MTX2: variants seen among roughly 807,000 people sequenced by gnomAD.
MTX2 encodes the protein metaxin-2.
Under a neutral mutation model 42.3 loss-of-function variants are expected in MTX2, and 35 were observed. The ratio of observed to expected loss-of-function variants is 0.83; its 90% CI spans 0.63 to 1.10. The LOEUF is 1.10. Ranked by LOEUF, MTX2 falls within the 50% of genes least tolerant of loss-of-function variation. MTX2 has a pLI of 0.00. For synonymous variants in MTX2, 119 were observed against 100.9 expected (o/e 1.18, Z -1.08); for missense variants, 307 against 304.1 (o/e 1.01, Z -0.07).
In MTX2 at chr2:176,279,653, A is replaced by C. The variant is rs184402479; in HGVS notation, c.40+9984A>C. Among the ~76,000 whole-genome samples, 4 of 152,250 alleles carry C rather than the reference A, an allele frequency of 2.6e-5. No individual in the cohort carries two copies. In the East Asian group the frequency reaches 7.7e-4, roughly 29 times the overall value. On this transcript the variant is annotated intron_variant, in intron 1 of 9. Transcript: ENST00000249442. ...TTACTGTTCATCGATTTAAGATTCT[A>C]AGTTGGCTAGTCCAGGAGAACTAGT...
At chr2:176,324,158 C>G (rs141976483) in intron 4 of MTX2, among the ~76,000 whole-genome samples, 4 of 151,444 alleles carry the variant, frequency 2.6e-5, no homozygotes, top group African/African-American at 9.7e-5. Flanking sequence ...AGCAATAATA[C>G]GTAGAATTAC....
At chr2:176,323,296 T>C in intron 3 of MTX2, 96 bp from the exon 4 acceptor site, 5 of 1,016,948 alleles carry the variant, frequency 4.9e-6, no homozygotes, top group Non-Finnish European at 7.5e-6. Flanking sequence ...TTTTGTAGTA[T>C]GAAACTATTC....
intron 3 of MTX2, among the ~76,000 whole-genome samples, chr2:176,309,183 T>G (rs949860725): frequency 6.6e-6 from 1 of 152,250 alleles, no homozygotes; most frequent in Non-Finnish European, 1.5e-5. Flanking sequence ...TTGTTCAGTT[T>G]CCATGTAGCT....
Position 176,269,499 on chromosome 2 carries a change from T to C in MTX2, c.-131T>C. 4 of 1,009,348 alleles carry C rather than the reference T, an allele frequency of 4.0e-6. No homozygotes were observed. The highest frequency in any genetic ancestry group is 4.1e-6 in the Non-Finnish European group (3 of 725,358). 62.5% of individuals were successfully genotyped at this position (1,009,348 alleles called of 1,614,324 possible). On this transcript the variant is annotated 5_prime_UTR_variant, in exon 1 of 10. Transcript: ENST00000249442. ...GCCTCACTGCAGCCGCCGCTGCTGT[T>C]GGAGTGGGCTTTGCGAGTCTGAACG...
intron 3 of MTX2, among the ~76,000 whole-genome samples, chr2:176,317,266 T>C (rs1040577852): frequency 6.6e-6 from 1 of 152,078 alleles, no homozygotes; most frequent in African/African-American, 2.4e-5. Flanking sequence ...CTGATCTCTG[T>C]TCTTTTTTCT....
Position 176,307,300 on chromosome 2 carries a change from T to G in MTX2, c.135+9405T>G, listed in dbSNP as rs148946413. On this transcript the variant is annotated intron_variant, in intron 3 of 9. Transcript: ENST00000249442. Reference sequence around the variant, plus strand: ...TTTGGTACCAGTACCATGCTGTTTTTGTTACTGTAGCCTTGTAGTGTAGTT... The same window carrying G: ...TTTGGTACCAGTACCATGCTGTTTTGGTTACTGTAGCCTTGTAGTGTAGTT... Among the ~76,000 whole-genome samples the G allele has an allele frequency of 6.6e-3, 1,009 of 152,004 alleles. 15 individuals are homozygous for G. Among genetic ancestry groups the G allele is most frequent in the African/African-American group, 0.023 (944 of 41,408 alleles).
chr2:176,308,961 C>T (rs1684223635), intron 3 of MTX2, among the ~76,000 whole-genome samples: 2 of 152,116 alleles, frequency 1.3e-5, no homozygotes, highest in African/African-American at 4.8e-5. Flanking sequence ...TCTTGCTTCT[C>T]TAGTTCTTTT....
intron 5 of MTX2, 36 bp downstream of exon 5, chr2:176,326,937 C>G: frequency 8.2e-7 from 1 of 1,225,746 alleles, no homozygotes; most frequent in East Asian, 2.5e-5. Flanking sequence ...TGATCAGTTA[C>G]CAAGTCATTC....
At chr2:176,336,087 A>G (rs945890671) in intron 9 of MTX2, among the ~76,000 whole-genome samples, 2 of 152,150 alleles carry the variant, frequency 1.3e-5, no homozygotes, top group African/African-American at 4.8e-5. Flanking sequence ...GATTACTGCA[A>G]CATATTTTCA....
rs1177764568 is a variant in MTX2 at position 176,274,471 on chromosome 2, G to A, written c.40+4802G>A. On this transcript the variant is annotated intron_variant, in intron 1 of 9. Transcript: ENST00000249442. Reference sequence around the variant, plus strand: ...AAAATTTACTTAAGTAGTATTACTCGGATGGGTATTTAGAGAGTTGTTATC... The same window carrying A: ...AAAATTTACTTAAGTAGTATTACTCAGATGGGTATTTAGAGAGTTGTTATC... 3.9e-5 allele frequency among the ~76,000 whole-genome samples: 6 copies of A among 152,080 alleles called. No individual in the cohort carries two copies. The East Asian group carries it at 9.6e-4, about 24-fold the overall frequency.
At chr2:176,284,332 A>G (rs7584228) in intron 1 of MTX2, among the ~76,000 whole-genome samples, 4,033 of 152,230 alleles carry the variant, frequency 0.026, 162 homozygotes, top group African/African-American at 0.091. Flanking sequence ...AAGAATGGAA[A>G]GTTTTAAATT....
chr2:176,291,124 C>T (rs1466679304), intron 1 of MTX2, among the ~76,000 whole-genome samples: 1 of 151,940 alleles, frequency 6.6e-6, no homozygotes, highest in Non-Finnish European at 1.5e-5. Context: ...ATATCATGCA[C>T]ATTATAAAAC....
intron 3 of MTX2, among the ~76,000 whole-genome samples, chr2:176,318,178 G>T (rs1327939618): frequency 1.3e-5 from 2 of 151,658 alleles, no homozygotes; most frequent in Non-Finnish European, 2.9e-5. Flanking sequence ...TTTTTTAAAG[G>T]TTGCAGAGAT....
intron 3 of MTX2, among the ~76,000 whole-genome samples, chr2:176,301,288 A>G (rs1304038573): frequency 6.6e-6 from 1 of 152,154 alleles, no homozygotes; most frequent in Non-Finnish European, 1.5e-5. Flanking sequence ...AAGATGTGGA[A>G]ACTGAAGCTC....
intron 1 of MTX2, among the ~76,000 whole-genome samples, chr2:176,271,567 A>T (rs761209899): frequency 2.0e-5 from 3 of 152,186 alleles, no homozygotes; most frequent in Non-Finnish European, 2.9e-5. Flanking sequence ...TGTCCCTAAT[A>T]ATGTATAGCA....
At chr2:176,316,571 T>C (rs1326078774) in intron 3 of MTX2, among the ~76,000 whole-genome samples, 3 of 152,044 alleles carry the variant, frequency 2.0e-5, no homozygotes, top group Non-Finnish European at 4.4e-5. Flanking sequence ...TTGTCCATTT[T>C]TTTGTATTTT....
At chr2:176,302,983 A>G (rs1684062160) in intron 3 of MTX2, among the ~76,000 whole-genome samples, 1 of 152,126 alleles carries the variant, frequency 6.6e-6, no homozygotes, top group African/African-American at 2.4e-5. Flanking sequence ...CAAAACTTTG[A>G]GTGTGAAAAT....
rs1024851436 is a variant in MTX2, at chr2:176,328,354, A to C, written c.347A>C (p.Glu116Ala). 1.0e-5 allele frequency: 16 copies of C among 1,588,386 alleles called. No homozygotes were observed. Among genetic ancestry groups the C allele is most frequent in the African/African-American group, 5.4e-5 (4 of 73,672 alleles). Reference sequence around the variant, plus strand: ...AAAGCAGAAATGAAAGCTTACATGGAATTAGTCAACAATATGCTGTTGACT... The same window carrying C: ...AAAGCAGAAATGAAAGCTTACATGGCATTAGTCAACAATATGCTGTTGACT... Reference protein sequence around the residue: ...VQKAEMKAYMELVNNMLLTAE... With the variant: ...VQKAEMKAYMALVNNMLLTAE... Residue 116 changes from glutamate to alanine, a missense_variant, in exon 6 of 10, where the codon GAA (glutamate) becomes GCA (alanine). By Grantham distance (107) the Glu-to-Ala change is moderately radical. Transcript: ENST00000249442.
Position 176,327,711 on chromosome 2 carries a change from A to T in MTX2, c.286-582A>T, listed in dbSNP as rs368332211. ...TACTAAGATAAATTTTCTTATATAT[A>T]CATCTTTGTATAAATTCCTAAGGTT... On this transcript the variant is annotated intron_variant, in intron 5 of 9. Transcript: ENST00000249442. Among the ~76,000 whole-genome samples, 8 of 150,804 alleles carry T rather than the reference A, an allele frequency of 5.3e-5. No homozygotes were observed. The East Asian group carries it at 1.4e-3, about 26-fold the overall frequency.
Sources: gnomAD v4.1 joint callset for allele counts (sites outside exome capture counted in the v4.1 genomes callset) on GRCh38, gnomAD v4.1.1 for gene constraint, MANE v1.5 for transcripts, NCBI Gene and HGNC (gene_info 2026-07-23, HGNC 2026-07-21) for gene names.